The following STAU2 variants were observed in gnomAD, a reference collection of about 807,000 sequenced individuals.
The protein encoded by STAU2 is double-stranded RNA-binding protein Staufen homolog 2.
Under a neutral mutation model 65.9 loss-of-function variants are expected in STAU2, and 20 were observed. That is an observed-to-expected ratio of 0.30 (90% CI 0.21 to 0.44). The LOEUF (loss-of-function observed/expected upper bound fraction) is 0.44. Among genes scored for constraint, STAU2 ranks in the 20% least tolerant of loss-of-function variants. The pLI, the probability that STAU2 is intolerant of heterozygous loss-of-function variation, is 1.00. For synonymous variants in STAU2, 232 were observed against 233.9 expected (o/e 0.99, Z 0.07); for missense variants, 558 against 683.9 (o/e 0.82, Z 2.05).
intron 13 of STAU2, among the ~76,000 whole-genome samples, chr8:73,502,178 T>C (rs1821795564): frequency 6.6e-6 from 1 of 151,982 alleles, no homozygotes; most frequent in African/African-American, 2.4e-5. Flanking sequence ...ATGTTCCCAA[T>C]TAAATAAAAA....
At chr8:73,655,639 CTTTTTTTTTTTTT>C (rs71269930) in intron 6 of STAU2, among the ~76,000 whole-genome samples, 6 of 104,776 alleles carry the variant, frequency 5.7e-5, no homozygotes, top group Middle Eastern at 5.5e-3. Flanking sequence ...TTTAATACAT[CTTTTTTTTTTTTT>C]TTTTTTTTTT....
chr8:73,553,512 A>G (rs559769277), intron 12 of STAU2, among the ~76,000 whole-genome samples: 1 of 152,356 alleles, frequency 6.6e-6, no homozygotes, highest in Non-Finnish European at 1.5e-5. Context: ...ATAGTGAAGA[A>G]TCAGAAAACT....
chr8:73,438,825 G>A, intron 13 of STAU2: 1 of 400,110 alleles, frequency 2.5e-6, no homozygotes, highest in Non-Finnish European at 5.0e-6. Flanking sequence ...AACAGCACCA[G>A]CAAATTTGCA....
At chr8:73,657,997 A>G (rs991579067) in intron 6 of STAU2, among the ~76,000 whole-genome samples, 1 of 151,836 alleles carries the variant, frequency 6.6e-6, no homozygotes, top group African/African-American at 2.4e-5. Flanking sequence ...TTGGCGACAG[A>G]GCAACACTCC....
chr8:73,636,014 T>C (rs1814481496), intron 6 of STAU2, among the ~76,000 whole-genome samples: 1 of 149,160 alleles, frequency 6.7e-6, no homozygotes. Context: ...TGCCACCCAA[T>C]GCAGAAAAGT....
At position 73,637,477 on chromosome 8, in the gene STAU2, T is replaced by TAAAAAAAA. The variant is rs60833468; in HGVS notation, c.411-20034_411-20027dup. Among the ~76,000 whole-genome samples, 292 of 57,114 alleles carry TAAAAAAAA rather than the reference T, an allele frequency of 5.1e-3. 3 individuals carry two copies. The highest frequency in any genetic ancestry group is 0.01 in the East Asian group (16 of 1,564). 37.5% of individuals were successfully genotyped at this position (57,114 alleles called of 152,430 possible). A position where few individuals can be genotyped will look rare whatever the true frequency, so the allele number is the denominator to read the frequency against. Reference sequence around the variant, plus strand: ...TAAAGTCTTTATAAAGTGCTGAAAGTAAAAAAAAAAAAAAAAAAAAAAAAA... The same window carrying TAAAAAAAA: ...TAAAGTCTTTATAAAGTGCTGAAAGTAAAAAAAAAAAAAAAAAAAAAAAAAAAAAAAAA... On this transcript the variant is annotated intron_variant, in intron 6 of 14. Coordinates refer to ENST00000524300, the MANE Select transcript of STAU2 (RefSeq NM_001164380.2).
intron 3 of STAU2, among the ~76,000 whole-genome samples, chr8:73,722,744 C>T (rs1044512570): frequency 2.6e-5 from 4 of 152,158 alleles, no homozygotes; most frequent in African/African-American, 9.7e-5. Context: ...TAAGTCCTCA[C>T]TTAACATCAT....
intron 6 of STAU2, among the ~76,000 whole-genome samples, chr8:73,660,067 C>G (rs1005194613): frequency 2.6e-5 from 4 of 151,922 alleles, no homozygotes; most frequent in African/African-American, 9.7e-5. Flanking sequence ...CTAAGGTCAA[C>G]CCAAAATTAT....
chr8:73,527,381 T>C (rs1051907919), intron 13 of STAU2: 4 of 227,088 alleles, frequency 1.8e-5, no homozygotes, highest in Admixed American at 4.8e-5. Context: ...TATATTGTTT[T>C]GTTGACCCTT....
intron 6 of STAU2, among the ~76,000 whole-genome samples, chr8:73,635,256 T>C (rs1814401117): frequency 6.6e-6 from 1 of 152,026 alleles, no homozygotes. Context: ...AACAATAAAT[T>C]CTGAACAAAC....
intron 13 of STAU2, among the ~76,000 whole-genome samples, chr8:73,520,817 T>A (rs186180523): frequency 6.6e-6 from 1 of 152,308 alleles, no homozygotes; most frequent in East Asian, 1.9e-4. Flanking sequence ...CTTGCTGACA[T>A]CATTGAGCTG....
intron 5 of STAU2, among the ~76,000 whole-genome samples, chr8:73,688,089 TTAAAAAAG>T (rs1164610488): frequency 6.6e-6 from 1 of 151,918 alleles, no homozygotes; most frequent in Non-Finnish European, 1.5e-5. Flanking sequence ...TTTGCCAACA[TTAAAAAAG>T]TAAACAATGC....
chr8:73,615,188 A>G (rs1812741792), intron 8 of STAU2, among the ~76,000 whole-genome samples: 1 of 152,066 alleles, frequency 6.6e-6, no homozygotes, highest in Non-Finnish European at 1.5e-5. Context: ...TTATGAATAT[A>G]TTTGCAATAT....
At chr8:73,740,057 A>T (rs1806732970) in intron 1 of STAU2, among the ~76,000 whole-genome samples, 189 bp from the exon 2 acceptor site, 1 of 152,090 alleles carries the variant, frequency 6.6e-6, no homozygotes, top group Non-Finnish European at 1.5e-5. Context: ...GCAACAATTG[A>T]TTTCTTCAGT....
At chr8:73,541,406 G>A (rs2128937759) in intron 13 of STAU2, among the ~76,000 whole-genome samples, 1 of 152,220 alleles carries the variant, frequency 6.6e-6, no homozygotes, top group African/African-American at 2.4e-5. Flanking sequence ...ATACCACCAT[G>A]GAGAAGATAA....
At chr8:73,476,506 T>G (rs1056444312) in intron 13 of STAU2, among the ~76,000 whole-genome samples, 1 of 152,212 alleles carries the variant, frequency 6.6e-6, no homozygotes, top group Non-Finnish European at 1.5e-5. Context: ...TTATGGGTAA[T>G]GTACTATGAC....
At chr8:73,592,299 A>G (rs73328782) in intron 11 of STAU2, among the ~76,000 whole-genome samples, 4,320 of 152,124 alleles carry the variant, frequency 0.028, 175 homozygotes, top group African/African-American at 0.095. Context: ...TGCTACTACT[A>G]AAAGAGTAAA....
intron 13 of STAU2, among the ~76,000 whole-genome samples, chr8:73,494,649 T>C (rs1364589934): frequency 6.6e-6 from 1 of 151,682 alleles, no homozygotes; most frequent in Non-Finnish European, 1.5e-5. Flanking sequence ...GATTTGGATA[T>C]TGAAGTTTTC....
intron 1 of STAU2, among the ~76,000 whole-genome samples, chr8:73,743,461 TTTTAA>T (rs1265410587): frequency 2.3e-4 from 31 of 132,944 alleles, no homozygotes; most frequent in Middle Eastern, 7.6e-3. Context: ...CTTGCCTTCT[TTTTAA>T]TTTTTTTTTT....
Sources: gnomAD v4.1 joint callset for allele counts (sites outside exome capture counted in the v4.1 genomes callset) on GRCh38, gnomAD v4.1.1 for gene constraint, MANE v1.5 for transcripts, NCBI Gene and HGNC (gene_info 2026-07-23, HGNC 2026-07-21) for gene names.